RNFT2: variants seen among roughly 807,000 people sequenced by gnomAD.
RNFT2 encodes the protein ring finger protein, transmembrane 2, also known as E3 ubiquitin-protein ligase RNFT2.
In RNFT2, 36 loss-of-function variants were observed where a neutral mutation model predicts 53.0. That is an observed-to-expected ratio of 0.68 (90% CI 0.52 to 0.90). RNFT2 has a LOEUF of 0.90. Among genes scored for constraint, RNFT2 ranks in the 40% least tolerant of loss-of-function variants. The pLI, the probability that RNFT2 is intolerant of heterozygous loss-of-function variation, is 0.00. For synonymous variants in RNFT2, 260 were observed against 253.2 expected (o/e 1.03, Z -0.26); for missense variants, 514 against 585.6 (o/e 0.88, Z 1.26).
intron 5 of RNFT2, among the ~76,000 whole-genome samples, chr12:116,764,131 T>G (rs778734330): frequency 1.3e-5 from 2 of 152,170 alleles, no homozygotes; most frequent in Non-Finnish European, 2.9e-5. Context: ...ATGTTCTCAC[T>G]CATAAGTGGT....
At chr12:116,738,481 A>G (rs576913026) in intron 1 of RNFT2, 111 bp downstream of exon 1, 7 of 152,258 alleles carry the variant, frequency 4.6e-5, no homozygotes, top group Admixed American at 4.6e-4. Flanking sequence ...AGGGATGAAA[A>G]GCGCTCGCGA....
chr12:116,802,286 A>G (rs1874836622), intron 7 of RNFT2, among the ~76,000 whole-genome samples: 1 of 152,222 alleles, frequency 6.6e-6, no homozygotes, highest in Non-Finnish European at 1.5e-5. Flanking sequence ...CTTATTAAGC[A>G]TGGGACCCTT....
At chr12:116,824,792 C>T (rs1294934555) in intron 7 of RNFT2, among the ~76,000 whole-genome samples, 1 of 152,140 alleles carries the variant, frequency 6.6e-6, no homozygotes, top group Non-Finnish European at 1.5e-5. Flanking sequence ...GCTCTACTCT[C>T]ATGATCTAAT....
At chr12:116,845,138 G>T (rs1451194286) in intron 10 of RNFT2, among the ~76,000 whole-genome samples, 1 of 151,434 alleles carries the variant, frequency 6.6e-6, no homozygotes, top group Non-Finnish European at 1.5e-5. Context: ...TAGCTACTTG[G>T]GAGATTGAAG....
intron 6 of RNFT2, among the ~76,000 whole-genome samples, chr12:116,770,141 A>T (rs1873110953): frequency 6.6e-6 from 1 of 152,268 alleles, no homozygotes; most frequent in East Asian, 1.9e-4. Flanking sequence ...CCACTCTCTC[A>T]TTGACTCACC....
rs185658648 is a variant in RNFT2 at position 116,754,119 on chromosome 12, G to A, written c.627+59G>A. On this transcript the variant is annotated intron_variant, in intron 5 of 10. Coordinates refer to ENST00000257575, the MANE Select transcript of RNFT2 (RefSeq NM_001382266.1). ...GCTGCAACAAATAAGCCACAAGCCAGGCACAGTCTTCCCGGCAAGTCTCCA... is the reference window on the plus strand; with the variant it reads ...GCTGCAACAAATAAGCCACAAGCCAAGCACAGTCTTCCCGGCAAGTCTCCA... 10,549 of 1,389,082 alleles carry A rather than the reference G, an allele frequency of 7.6e-3. 65 individuals carry two copies. Among genetic ancestry groups the A allele is most frequent in the Non-Finnish European group, 9.5e-3 (9,325 of 978,200 alleles). 86.0% of individuals were successfully genotyped at this position (1,389,082 alleles called of 1,614,324 possible).
At chr12:116,820,264 T>G (rs1462595045) in intron 7 of RNFT2, among the ~76,000 whole-genome samples, 2 of 152,186 alleles carry the variant, frequency 1.3e-5, no homozygotes, top group Non-Finnish European at 2.9e-5. Flanking sequence ...CTAGTTTTTG[T>G]AGAGACAGGA....
At chr12:116,830,313 G>T (rs537138964) in intron 7 of RNFT2, among the ~76,000 whole-genome samples, 2 of 151,994 alleles carry the variant, frequency 1.3e-5, no homozygotes, top group South Asian at 2.1e-4. Flanking sequence ...TTCGAGACAG[G>T]GTCTTACTCT....
intron 10 of RNFT2, among the ~76,000 whole-genome samples, chr12:116,847,335 C>G (rs995024693): frequency 6.6e-6 from 1 of 152,148 alleles, no homozygotes; most frequent in Non-Finnish European, 1.5e-5. Context: ...CCAATCAAGA[C>G]TCATGTGCTG....
chr12:116,776,618 G>A (rs983020202), intron 6 of RNFT2, among the ~76,000 whole-genome samples: 17 of 152,148 alleles, frequency 1.1e-4, no homozygotes, highest in Non-Finnish European at 2.2e-4. Context: ...AGACCAATCC[G>A]TTCTTAGGAT....
At chr12:116,749,286 CCA>C (rs199934963) in intron 3 of RNFT2, among the ~76,000 whole-genome samples, 956 of 39,496 alleles carry the variant, frequency 0.024, 53 homozygotes, top group African/African-American at 0.054. Context: ...CTTTCCCCCC[CCA>C]CCACCCCTTT....
chr12:116,790,219 A>G (rs1188471908), intron 7 of RNFT2, among the ~76,000 whole-genome samples: 1 of 152,222 alleles, frequency 6.6e-6, no homozygotes, highest in Non-Finnish European at 1.5e-5. Flanking sequence ...AATAATAAAC[A>G]TGGCTAAATA....
At chr12:116,812,789 C>T (rs1875453093) in intron 7 of RNFT2, among the ~76,000 whole-genome samples, 1 of 152,140 alleles carries the variant, frequency 6.6e-6, no homozygotes, top group Non-Finnish European at 1.5e-5. Context: ...CTGCCTTGGC[C>T]TCCCAAAGTG....
At chr12:116,793,129 A>G (rs1347487646) in intron 7 of RNFT2, among the ~76,000 whole-genome samples, 1 of 151,296 alleles carries the variant, frequency 6.6e-6, no homozygotes. Flanking sequence ...GGTGGCATTG[A>G]CTGATCTTCA....
intron 3 of RNFT2, among the ~76,000 whole-genome samples, chr12:116,747,803 C>G (rs1185723364): frequency 6.6e-6 from 1 of 152,062 alleles, no homozygotes; most frequent in Non-Finnish European, 1.5e-5. Flanking sequence ...TCTTTGTCCT[C>G]CTGCTCCCCA....
intron 6 of RNFT2, among the ~76,000 whole-genome samples, chr12:116,774,778 G>A (rs1038393602): frequency 2.0e-5 from 3 of 151,336 alleles, no homozygotes; most frequent in Non-Finnish European, 2.9e-5. Flanking sequence ...TCCGGGTGGA[G>A]GGTGGAGGGT....
At chr12:116,836,688 G>T (rs1479026447) in intron 10 of RNFT2, among the ~76,000 whole-genome samples, 1 of 152,080 alleles carries the variant, frequency 6.6e-6, no homozygotes, top group African/African-American at 2.4e-5. Context: ...ATTTTGGAAG[G>T]CCGAGGCAGG....
chr12:116,770,198 A>C (rs180746533), intron 6 of RNFT2, among the ~76,000 whole-genome samples: 3 of 152,182 alleles, frequency 2.0e-5, no homozygotes, highest in Non-Finnish European at 4.4e-5. Flanking sequence ...TAAGTGTCCT[A>C]TATGGGTGTA....
At chr12:116,797,381 G>GA (rs1326214595) in intron 7 of RNFT2, among the ~76,000 whole-genome samples, 1 of 152,072 alleles carries the variant, frequency 6.6e-6, no homozygotes, top group Non-Finnish European at 1.5e-5. Flanking sequence ...CCAACATGGT[G>GA]AAACCCTGTC....
Sources: gnomAD v4.1 joint callset for allele counts (sites outside exome capture counted in the v4.1 genomes callset) on GRCh38, gnomAD v4.1.1 for gene constraint, MANE v1.5 for transcripts, NCBI Gene and HGNC (gene_info 2026-07-23, HGNC 2026-07-21) for gene names.